The following EPC2 variants were observed in gnomAD, a reference collection of about 807,000 sequenced individuals.
EPC2 encodes enhancer of polycomb 2.
In EPC2, 14 loss-of-function variants were observed where a neutral mutation model predicts 92.1. That is an observed-to-expected ratio of 0.15 (90% confidence interval 0.10 to 0.24). EPC2 has a LOEUF of 0.24. EPC2 is among the 10% of genes least tolerant of loss of function. The pLI is 1.00. For missense variants in EPC2, 755 were observed against 971.5 expected, an observed-to-expected ratio of 0.78 and a Z score of 2.96; for synonymous variants, 340 against 334.7, an observed-to-expected ratio of 1.02 and a Z score of -0.17.
At chr2:148,693,361 T>A (rs1463591438) in intron 2 of EPC2, among the ~76,000 whole-genome samples, 1 of 152,154 alleles carries the variant, frequency 6.6e-6, no homozygotes, top group Non-Finnish European at 1.5e-5. Context: ...CTTGCCCTAG[T>A]CTTTATACCT....
intron 3 of EPC2, among the ~76,000 whole-genome samples, chr2:148,752,713 G>A (rs12614977): frequency 0.059 from 9,000 of 152,146 alleles, 474 homozygotes; most frequent in East Asian, 0.29. Context: ...ATAAGAAACC[G>A]ATGAATTAAT....
intron 11 of EPC2, among the ~76,000 whole-genome samples, chr2:148,782,205 G>T (rs1484339560): frequency 6.6e-6 from 1 of 152,144 alleles, no homozygotes; most frequent in African/African-American, 2.4e-5. Context: ...TACATCAACA[G>T]CATAACCCCT....
chr2:148,781,527 A>G (rs2105440571), intron 10 of EPC2, 117 bp from the exon 11 acceptor site: 1 of 955,108 alleles, frequency 1.0e-6, no homozygotes, highest in East Asian at 2.7e-5. Flanking sequence ...GATATTCCAT[A>G]TTGTAATTTG....
intron 8 of EPC2, among the ~76,000 whole-genome samples, chr2:148,769,653 A>T (rs1384668896): frequency 6.6e-6 from 1 of 152,172 alleles, no homozygotes; most frequent in Non-Finnish European, 1.5e-5. Context: ...TATCAAACAA[A>T]ATAATAATTT....
At chr2:148,762,969 G>A (rs563805942) in intron 6 of EPC2, among the ~76,000 whole-genome samples, 167 bp downstream of exon 6, 24 of 152,202 alleles carry the variant, frequency 1.6e-4, no homozygotes, top group African/African-American at 4.6e-4. Context: ...TATACATACT[G>A]ACCAATTAAT....
At chr2:148,759,693 A>G (rs1408591686) in intron 4 of EPC2, among the ~76,000 whole-genome samples, 1 of 152,066 alleles carries the variant, frequency 6.6e-6, no homozygotes, top group African/African-American at 2.4e-5. Flanking sequence ...ACTGCTGATA[A>G]TTTATAGATG....
intron 3 of EPC2, among the ~76,000 whole-genome samples, chr2:148,746,950 T>C (rs901859600): frequency 7.2e-5 from 11 of 152,156 alleles, no homozygotes; most frequent in Non-Finnish European, 1.3e-4. Flanking sequence ...CTTGTAAGTT[T>C]TCTAAATATT....
intron 10 of EPC2, among the ~76,000 whole-genome samples, chr2:148,779,895 G>A (rs1446841): frequency 0.96 from 146,699 of 152,294 alleles, 70,892 homozygotes; most frequent in Middle Eastern, 1. Context: ...CTGTACACAT[G>A]GGACTTAAAC....
chr2:148,772,825 C>A (rs1281468793), intron 10 of EPC2, among the ~76,000 whole-genome samples: 1 of 152,000 alleles, frequency 6.6e-6, no homozygotes, highest in Non-Finnish European at 1.5e-5. Context: ...TAAATCAAAT[C>A]TTTTTTCAGC....
intron 2 of EPC2, among the ~76,000 whole-genome samples, chr2:148,729,113 A>G (rs1181061989): frequency 2.0e-5 from 3 of 151,856 alleles, no homozygotes; most frequent in African/African-American, 7.3e-5. Flanking sequence ...ATGGTGAATA[A>G]TGGATAACTG....
intron 10 of EPC2, among the ~76,000 whole-genome samples, chr2:148,774,540 A>G (rs1321962154): frequency 6.6e-6 from 1 of 151,386 alleles, no homozygotes; most frequent in African/African-American, 2.4e-5. Context: ...TCTTGAGCTC[A>G]GGAAGTAGAG....
In EPC2 at chr2:148,787,447, A is replaced by G. The variant is rs1683893359; in HGVS notation, c.*1070A>G. The G allele has an allele frequency of 1.3e-5, 2 of 152,604 alleles. No homozygotes were observed. Among genetic ancestry groups the G allele is most frequent in the South Asian group, 4.1e-4 (2 of 4,830 alleles). The allele number at this position is 152,604 out of a possible 1,614,324, so 9.5% of individuals were successfully genotyped here. Reference sequence around the variant, plus strand: ...TGACTTTTTTTATACGGTTCTTGTAAATTAGATACGTGTAGTGGTGTTTCA... The same window carrying G: ...TGACTTTTTTTATACGGTTCTTGTAGATTAGATACGTGTAGTGGTGTTTCA... On this transcript the variant is annotated 3_prime_UTR_variant, in exon 14 of 14. Transcript: ENST00000258484.
chr2:148,679,886 G>A (rs73018680), intron 1 of EPC2, among the ~76,000 whole-genome samples: 1,525 of 152,184 alleles, frequency 0.01, 24 homozygotes, highest in African/African-American at 0.034. Context: ...AAGCTGAAGC[G>A]ATCCTCCTGT....
At chr2:148,776,017 G>A (rs1360485969) in intron 10 of EPC2, among the ~76,000 whole-genome samples, 2 of 151,864 alleles carry the variant, frequency 1.3e-5, no homozygotes, top group East Asian at 1.9e-4. Context: ...TCCTGACCTC[G>A]TGATCCGCCC....
Sources: allele counts gnomAD v4.1 joint callset (sites outside exome capture counted in the v4.1 genomes callset), GRCh38; gene constraint gnomAD v4.1.1; transcripts MANE v1.5; gene names NCBI Gene and HGNC (gene_info 2026-07-23, HGNC 2026-07-21).